The following ADRA1B variants were observed in gnomAD, a reference collection of about 807,000 sequenced individuals.
The protein encoded by ADRA1B is alpha-1B adrenergic receptor.
In ADRA1B, 17 loss-of-function variants were observed where a neutral mutation model predicts 17.9. That is an observed-to-expected ratio of 0.95 (90% CI 0.65 to 1.42). The LOEUF is 1.42. Among genes scored for constraint, ADRA1B ranks in the 40% most tolerant of loss-of-function variants. The pLI, the probability that ADRA1B is intolerant of heterozygous loss-of-function variation, is 0.00. For missense variants in ADRA1B, 681 were observed against 722.1 expected, an observed-to-expected ratio of 0.94 and a Z score of 0.65; for synonymous variants, 366 against 327.6, an observed-to-expected ratio of 1.12 and a Z score of -1.27.
chr5:159,895,125 A>G (rs937642514), intron 1 of ADRA1B, among the ~76,000 whole-genome samples: 1 of 152,212 alleles, frequency 6.6e-6, no homozygotes, highest in Non-Finnish European at 1.5e-5. Flanking sequence ...CTTCAGCGCT[A>G]TCTATGCAGC....
intron 1 of ADRA1B, among the ~76,000 whole-genome samples, chr5:159,923,709 C>G (rs1365412957): frequency 2.0e-5 from 3 of 152,274 alleles, no homozygotes; most frequent in African/African-American, 7.2e-5. Context: ...GCAAATCTAG[C>G]TGCTCATCAG....
chr5:159,880,179 ACT>A (rs1332820964), intron 1 of ADRA1B, among the ~76,000 whole-genome samples: 2 of 152,156 alleles, frequency 1.3e-5, no homozygotes, highest in African/African-American at 4.8e-5. Context: ...TAAGACACAA[ACT>A]CTATCATCTT....
In ADRA1B at chr5:159,930,714, GT is replaced by G. The variant is rs138815701; in HGVS notation, c.949+12863del. Among the ~76,000 whole-genome samples, 1,371 of 152,172 alleles carry G rather than the reference GT, an allele frequency of 9.0e-3. 19 individuals are homozygous for G. The highest frequency in any genetic ancestry group is 0.03 in the African/African-American group (1,264 of 41,520). On this transcript the variant is annotated intron_variant, in intron 1 of 1. Transcript: ENST00000306675. ...CCCAACTTTTAAAAGCTATTTATTA[GT>G]TTAGTTACCTCAAGGGATACGATGG...
chr5:159,931,983 T>C (rs1311070902), intron 1 of ADRA1B, among the ~76,000 whole-genome samples: 1 of 144,276 alleles, frequency 6.9e-6, no homozygotes, highest in Non-Finnish European at 1.6e-5. Flanking sequence ...ATAACCATGT[T>C]TTAGTATTTG....
intron 1 of ADRA1B, among the ~76,000 whole-genome samples, chr5:159,898,016 G>C (rs1256237201): frequency 1.3e-5 from 2 of 152,182 alleles, no homozygotes; most frequent in Non-Finnish European, 1.5e-5. Context: ...GCCACTTCCG[G>C]CTCCCATCCC....
chr5:159,930,709 T>G (rs1311212494), intron 1 of ADRA1B, among the ~76,000 whole-genome samples: 2 of 152,014 alleles, frequency 1.3e-5, no homozygotes, highest in African/African-American at 4.8e-5. Flanking sequence ...AAAAGCTATT[T>G]ATTAGTTTAG....
chr5:159,900,811 T>C (rs908300228), intron 1 of ADRA1B, among the ~76,000 whole-genome samples: 4 of 152,232 alleles, frequency 2.6e-5, no homozygotes, highest in Admixed American at 6.5e-5. Flanking sequence ...ACAGACAGGC[T>C]AAGGACCAGC....
intron 1 of ADRA1B, among the ~76,000 whole-genome samples, chr5:159,946,461 A>G (rs1030133661): frequency 6.6e-6 from 1 of 152,248 alleles, no homozygotes; most frequent in Non-Finnish European, 1.5e-5. Flanking sequence ...AAAGATTACC[A>G]GTACCCGCAA....
At chr5:159,951,120 C>T (rs768356264) in intron 1 of ADRA1B, 4 of 744,184 alleles carry the variant, frequency 5.4e-6, no homozygotes, top group African/African-American at 1.7e-5. Context: ...AACATGGGGG[C>T]ATCAGCAGAG....
At chr5:159,948,350 A>G (rs1373663809) in intron 1 of ADRA1B, 3 of 985,326 alleles carry the variant, frequency 3.0e-6, no homozygotes, top group Non-Finnish European at 3.6e-6. Flanking sequence ...GTATCTCAAC[A>G]AGGAAAGAAA....
At chr5:159,922,429 T>C (rs1300188107) in intron 1 of ADRA1B, among the ~76,000 whole-genome samples, 1 of 152,228 alleles carries the variant, frequency 6.6e-6, no homozygotes, top group Non-Finnish European at 1.5e-5. Context: ...CTGGCCCTTT[T>C]GCTGTCTGAT....
At chr5:159,903,078 C>T (rs1000753900) in intron 1 of ADRA1B, among the ~76,000 whole-genome samples, 1 of 152,180 alleles carries the variant, frequency 6.6e-6, no homozygotes, top group Non-Finnish European at 1.5e-5. Context: ...ACAGAGAAGG[C>T]TCTGGCCAGT....
At chr5:159,963,084 T>C (rs929890090) in intron 1 of ADRA1B, among the ~76,000 whole-genome samples, 1 of 150,588 alleles carries the variant, frequency 6.6e-6, no homozygotes, top group African/African-American at 2.4e-5. Flanking sequence ...TTAGATAACA[T>C]TCATTGGATT....
chr5:159,950,630 G>A, intron 1 of ADRA1B: 3 of 839,580 alleles, frequency 3.6e-6, no homozygotes, highest in Non-Finnish European at 6.3e-6. Context: ...GTGGAGGAGT[G>A]GGTGTCTCTG....
chr5:159,936,118 G>A (rs1337194819), intron 1 of ADRA1B, among the ~76,000 whole-genome samples: 3 of 152,198 alleles, frequency 2.0e-5, no homozygotes, highest in African/African-American at 7.2e-5. Context: ...CCCAGGGGAC[G>A]TTTAGCAATG....
the ADRA1B span, among the ~76,000 whole-genome samples, chr5:159,981,991 C>G: frequency 6.6e-6 from 1 of 152,234 alleles, no homozygotes; most frequent in Non-Finnish European, 1.5e-5. Flanking sequence ...ACCTGTGGGA[C>G]TTCCAAAGTT....
chr5:159,952,631 G>T (rs180874653), intron 1 of ADRA1B, among the ~76,000 whole-genome samples: 1 of 152,238 alleles, frequency 6.6e-6, no homozygotes, highest in East Asian at 1.9e-4. Flanking sequence ...TAAAATGGGG[G>T]CAGTTAATTG....
chr5:159,910,387 T>C (rs901654779), intron 1 of ADRA1B, among the ~76,000 whole-genome samples: 2 of 152,152 alleles, frequency 1.3e-5, no homozygotes, highest in Non-Finnish European at 2.9e-5. Context: ...CAGAAACAGA[T>C]GAAAGTGGTG....
intron 1 of ADRA1B, among the ~76,000 whole-genome samples, chr5:159,923,685 G>A (rs953355192): frequency 2.6e-5 from 4 of 152,248 alleles, no homozygotes; most frequent in African/African-American, 7.2e-5. Context: ...AAAAGCCAGG[G>A]GCTGTGAGCA....
Sources: gnomAD v4.1 joint callset for allele counts (sites outside exome capture counted in the v4.1 genomes callset) on GRCh38, gnomAD v4.1.1 for gene constraint, MANE v1.5 for transcripts, NCBI Gene and HGNC (gene_info 2026-07-23, HGNC 2026-07-21) for gene names.